The following EXPH5 variants were observed in gnomAD, a reference collection of about 807,000 sequenced individuals.
EXPH5 encodes the protein exophilin-5.
Under a neutral mutation model 41.1 loss-of-function variants are expected in EXPH5, and 42 were observed. The ratio of observed to expected loss-of-function variants is 1.02; its 90% CI spans 0.80 to 1.32. The LOEUF (loss-of-function observed/expected upper bound fraction) is 1.32. Ranked by LOEUF, EXPH5 falls within the 40% of genes most tolerant of loss-of-function variation. The pLI is 0.00. For missense variants in EXPH5, 2,298 were observed against 2,314.5 expected, an observed-to-expected ratio of 0.99 and a Z score of 0.15; for synonymous variants, 798 against 833.5, an observed-to-expected ratio of 0.96 and a Z score of 0.73.
intron 1 of EXPH5, among the ~76,000 whole-genome samples, chr11:108,546,265 C>T (rs1210115510): frequency 6.6e-6 from 1 of 152,076 alleles, no homozygotes; most frequent in African/African-American, 2.4e-5. Flanking sequence ...ATTGATGGCT[C>T]AGCAGGGATA....
Position 108,512,534 on chromosome 11 carries a change from A to C in EXPH5, c.2973T>G (p.Ser991Arg), listed in dbSNP as rs745604291. ...TGTGATCACTGGTGGGTACTGATAT[A>C]CTTTCTGTTTTGCTTAACTTTTCAA... ...SCIEKLSKTE[S>R]ISVPTSDHRS... Residue 991 changes from serine (S) to arginine (R), a missense_variant, in exon 6 of 6, where the codon AGT (serine) becomes AGG (arginine). Physicochemically the swap from Ser to Arg is moderately radical, Grantham distance 110 (BLOSUM62 -1). Transcript: ENST00000265843. 6.2e-7 allele frequency: 1 copy of C among 1,612,584 alleles called. No homozygotes were observed. Among genetic ancestry groups the C allele is most frequent in the South Asian group, 1.1e-5 (1 of 90,546 alleles).
At chr11:108,544,195 G>A (rs2093927153) in intron 1 of EXPH5, among the ~76,000 whole-genome samples, 2 of 151,994 alleles carry the variant, frequency 1.3e-5, no homozygotes, top group African/African-American at 2.4e-5. Context: ...ATTTATTTCT[G>A]CATTTATTTC....
chr11:108,557,809 T>C (rs2093996371), intron 1 of EXPH5, among the ~76,000 whole-genome samples: 2 of 152,242 alleles, frequency 1.3e-5, no homozygotes, highest in Admixed American at 1.3e-4. Flanking sequence ...ACTTAGGGTA[T>C]GGACTCAGTT....
rs1208716606 is a variant in EXPH5, at chr11:108,506,144, TTAA to T, written c.*3390_*3392del. On this transcript the variant is annotated 3_prime_UTR_variant, in exon 6 of 6. Coordinates refer to ENST00000265843, the MANE Select transcript of EXPH5 (RefSeq NM_015065.3). ...TACTCCATTTACATGAATGTTTATT[TTAA>T]TAATGACTATATCTTTCAGAAAACA... The T allele has an allele frequency of 6.6e-6, 1 of 152,228 alleles. No individual in the cohort carries two copies. The highest frequency in any genetic ancestry group is 1.5e-5 in the Non-Finnish European group (1 of 68,040). The allele number at this position is 152,228 out of a possible 1,614,324, so 9.4% of individuals were successfully genotyped here. A position where few individuals can be genotyped will look rare whatever the true frequency, so the allele number is the denominator to read the frequency against.
chr11:108,604,966 T>G, the EXPH5 span, among the ~76,000 whole-genome samples: 1 of 152,118 alleles, frequency 6.6e-6, no homozygotes, highest in African/African-American at 2.4e-5. Flanking sequence ...TGGGTGGAGA[T>G]GAATTGGATG....
intron 1 of EXPH5, among the ~76,000 whole-genome samples, chr11:108,589,261 G>A (rs768753271): frequency 2.0e-5 from 3 of 152,192 alleles, no homozygotes; most frequent in Non-Finnish European, 4.4e-5. Context: ...GACATCCAAT[G>A]TCTCTAGAAA....
At chr11:108,578,714 G>A (rs2094088092) in intron 1 of EXPH5, among the ~76,000 whole-genome samples, 1 of 152,052 alleles carries the variant, frequency 6.6e-6, no homozygotes. Flanking sequence ...TCTATCATCA[G>A]CGTTTTATAG....
Position 108,509,354 on chromosome 11 carries a change from C to T in EXPH5, c.*183G>A, listed in dbSNP as rs2093661148. On this transcript the variant is annotated 3_prime_UTR_variant, in exon 6 of 6. Transcript: ENST00000265843. ...CAGAGACTCTCTCAAAACAAGAATT[C>T]ATTGTTCTAGCATTCAGGAAGTGTC... is the stretch of plus-strand genomic sequence containing the variant. 1 of 443,624 alleles carries T rather than the reference C, an allele frequency of 2.3e-6. No homozygotes were observed. The highest frequency in any genetic ancestry group is 2.0e-5 in the African/African-American group (1 of 49,400). 27.5% of individuals were successfully genotyped at this position (443,624 alleles called of 1,614,324 possible).
chr11:108,556,255 T>G (rs1349107497), intron 1 of EXPH5, among the ~76,000 whole-genome samples: 1 of 151,296 alleles, frequency 6.6e-6, no homozygotes, highest in Admixed American at 6.6e-5. Flanking sequence ...GGGTGTTGCC[T>G]GGGCCCTTTG....
rs1284003877 is a variant in EXPH5 at position 108,514,612 on chromosome 11, T to C, written c.895A>G (p.Arg299Gly). 1.2e-6 allele frequency: 2 copies of C among 1,611,736 alleles called. No individual in the cohort carries two copies. The highest frequency in any genetic ancestry group is 1.7e-6 in the Non-Finnish European group (2 of 1,179,300). Reference sequence around the variant, plus strand: ...TTAAAGACTCTGGGCTCCCTTGTCCTATACATATCATAAATTGTGCTTGTC... The same window carrying C: ...TTAAAGACTCTGGGCTCCCTTGTCCCATACATATCATAAATTGTGCTTGTC... ...PRTSTIYDMYRTREPRVFKED... is the reference protein window; with the variant it reads ...PRTSTIYDMYGTREPRVFKED... The change falls in exon 6 of 6, where the codon AGG becomes GGG. Residue 299 changes from arginine to glycine, a missense_variant. Transcript: ENST00000265843.
the EXPH5 span, among the ~76,000 whole-genome samples, chr11:108,599,162 G>T: frequency 6.6e-6 from 1 of 152,040 alleles, no homozygotes; most frequent in Non-Finnish European, 1.5e-5. Flanking sequence ...TTCTCTCCCT[G>T]CCTCCAAGCT....
At position 108,514,444 on chromosome 11, in the gene EXPH5, T is replaced by C; in HGVS notation, c.1063A>G (p.Ile355Val). ...GGACTCTGCTGGTGCCTTGGTGGTA[T>C]AAACCCACTCTTGCTCTGAGTTGTG... is the stretch of plus-strand genomic sequence containing the variant. ...PATTQSKSGFIPPRHQQSPKR... is the reference protein window; with the variant it reads ...PATTQSKSGFVPPRHQQSPKR... Residue 355 changes from isoleucine (I) to valine (V), a missense_variant, in exon 6 of 6, where the codon ATA (isoleucine) becomes GTA (valine). Transcript: ENST00000265843. 6.2e-7 allele frequency: 1 copy of C among 1,614,126 alleles called. No homozygotes were observed. The highest frequency in any genetic ancestry group is 8.5e-7 in the Non-Finnish European group (1 of 1,179,994).
At chr11:108,603,436 T>C in the EXPH5 span, among the ~76,000 whole-genome samples, 1 of 152,240 alleles carries the variant, frequency 6.6e-6, no homozygotes, top group Non-Finnish European at 1.5e-5. Flanking sequence ...TCTGTAATCC[T>C]AGCTACTCAG....
intron 1 of EXPH5, among the ~76,000 whole-genome samples, chr11:108,566,068 A>G (rs2094033288): frequency 2.0e-5 from 3 of 152,248 alleles, no homozygotes; most frequent in Admixed American, 2.0e-4. Flanking sequence ...GTGGAAAAAG[A>G]TATGTACAAA....
intron 1 of EXPH5, chr11:108,568,038 CAG>C (rs1047152815): frequency 6.6e-6 from 1 of 152,106 alleles, no homozygotes; most frequent in Admixed American, 6.5e-5. Context: ...ACACTGAAGA[CAG>C]GGGGTTTCCG....
At chr11:108,528,891 T>C (rs2093818136) in intron 3 of EXPH5, among the ~76,000 whole-genome samples, 1 of 151,528 alleles carries the variant, frequency 6.6e-6, no homozygotes, top group Non-Finnish European at 1.5e-5. Flanking sequence ...TTAGTAGAGA[T>C]GGGTTTTCAT....
chr11:108,510,304 T>A lies in EXPH5; in HGVS notation c.5203A>T (p.Ile1735Phe), dbSNP rs35717245. 1,682 of 1,614,156 alleles carry A rather than the reference T, an allele frequency of 1.0e-3. 14 individuals are homozygous for A. The African/African-American group carries it at 0.017, about 17-fold the overall frequency. The change falls in exon 6 of 6, where the codon ATC becomes TTC. Residue 1735 changes from isoleucine (I) to phenylalanine (F), a missense_variant. Ile to Phe is a conservative substitution (Grantham distance 21). Coordinates refer to ENST00000265843, the MANE Select transcript of EXPH5 (RefSeq NM_015065.3). ...LVRESGAPSP[I>F]TFTSLREAEF... is the part of the protein sequence containing the mutation. ...GCTTCCCTGAGGCTGGTGAATGTGA[T>A]GGGTGATGGGGCTCCTGATTCTCTT...
chr11:108,538,224 G>A (rs368226829), intron 3 of EXPH5: 3 of 985,396 alleles, frequency 3.0e-6, no homozygotes, highest in Non-Finnish European at 3.6e-6. Context: ...GCAATACACC[G>A]TGTGGTTTGA....
intron 1 of EXPH5, among the ~76,000 whole-genome samples, chr11:108,588,162 C>T (rs1346778226): frequency 1.3e-5 from 2 of 152,198 alleles, no homozygotes; most frequent in African/African-American, 4.8e-5. Context: ...TAAAGTCTTC[C>T]TTATAGAATG....
Sources: gnomAD v4.1 joint callset for allele counts (sites outside exome capture counted in the v4.1 genomes callset) on GRCh38, gnomAD v4.1.1 for gene constraint, MANE v1.5 for transcripts, NCBI Gene and HGNC (gene_info 2026-07-23, HGNC 2026-07-21) for gene names.